UBTD1: variants seen among roughly 807,000 people sequenced by gnomAD.
The protein encoded by UBTD1 is ubiquitin domain-containing protein 1.
UBTD1 carries 19 observed loss-of-function variants against 21.7 expected under a neutral mutation model. The observed-to-expected ratio is 0.87, with a 90% CI of 0.61 to 1.28. The LOEUF is 1.28. Ranked by LOEUF, UBTD1 falls within the 50% of genes most tolerant of loss-of-function variation. The probability of loss-of-function intolerance (pLI) is 0.00; values close to 1 mark genes in which losing one functional copy is unlikely to be tolerated. For synonymous variants in UBTD1, 116 were observed against 135.1 expected, an observed-to-expected ratio of 0.86 and a Z score of 0.98; for missense variants, 282 against 315.1, an observed-to-expected ratio of 0.89 and a Z score of 0.80.
chr10:97,550,567 C>G (rs1450493741), intron 1 of UBTD1, among the ~76,000 whole-genome samples: 1 of 152,188 alleles, frequency 6.6e-6, no homozygotes, highest in Non-Finnish European at 1.5e-5. Context: ...TCGGTCAGTT[C>G]CTTTCTCAAT....
chr10:97,530,553 A>T (rs561415613), intron 1 of UBTD1, among the ~76,000 whole-genome samples: 75 of 152,316 alleles, frequency 4.9e-4, no homozygotes, highest in African/African-American at 1.7e-3. Flanking sequence ...TGTTATATTT[A>T]TTCTATATTT....
rs145764729 is a variant in UBTD1, at chr10:97,510,353, A to G, written c.70+11080A>G. On this transcript the variant is annotated intron_variant, in intron 1 of 2. Transcript: ENST00000370664. Reference sequence around the variant, plus strand: ...CCTTTGGTGACAGGTCATTATGACAAATGTTTTATTCATTTAGTACAAATT... The same window carrying G: ...CCTTTGGTGACAGGTCATTATGACAGATGTTTTATTCATTTAGTACAAATT... 2.0e-5 allele frequency among the ~76,000 whole-genome samples: 3 copies of G among 152,232 alleles called. No individual in the cohort carries two copies. The South Asian group carries it at 6.2e-4, about 32-fold the overall frequency.
chr10:97,561,200 G>C (rs2040691096), intron 1 of UBTD1, among the ~76,000 whole-genome samples: 1 of 152,146 alleles, frequency 6.6e-6, no homozygotes. Context: ...AGCGCTCTTT[G>C]GATTGCATCA....
At chr10:97,529,586 A>AC (rs1161579288) in intron 1 of UBTD1, among the ~76,000 whole-genome samples, 4 of 102,230 alleles carry the variant, frequency 3.9e-5, no homozygotes, top group Non-Finnish European at 8.5e-5. Flanking sequence ...TCACAGCGAA[A>AC]CCCCGTCTCC....
At chr10:97,566,285 T>TA (rs1564745617) in intron 1 of UBTD1, among the ~76,000 whole-genome samples, 6 of 146,942 alleles carry the variant, frequency 4.1e-5, no homozygotes, top group Non-Finnish European at 7.4e-5. Flanking sequence ...TTTTTTTTTT[T>TA]TAAAACTATT....
rs139940646 is a variant in UBTD1, at chr10:97,563,217, G to A, written c.71-4697G>A. On this transcript the variant is annotated intron_variant, in intron 1 of 2. Transcript: ENST00000370664. ...GGAGAACCCAGGACATCCAATTAGAGAGTGTCCAAGGGGGTTCAGCGTAAT... is the reference window on the plus strand; with the variant it reads ...GGAGAACCCAGGACATCCAATTAGAAAGTGTCCAAGGGGGTTCAGCGTAAT... 3.4e-3 allele frequency among the ~76,000 whole-genome samples: 517 copies of A among 152,326 alleles called. 3 individuals carry two copies. The highest frequency in any genetic ancestry group is 0.013 in the South Asian group (64 of 4,832).
In UBTD1 at chr10:97,515,321, C is replaced by T. The variant is rs116911817; in HGVS notation, c.70+16048C>T. Among the ~76,000 whole-genome samples, 490 of 152,312 alleles carry T rather than the reference C, an allele frequency of 3.2e-3. 8 individuals carry two copies. In the South Asian group the frequency reaches 0.035, roughly 11 times the overall value. On this transcript the variant is annotated intron_variant, in intron 1 of 2. Coordinates refer to ENST00000370664, the MANE Select transcript of UBTD1 (RefSeq NM_024954.5). Reference sequence around the variant, plus strand: ...CACATTTTATAGAGAGAGTATTTGTCGAGCACAGTGGTGCCTTTGGCAGAT... The same window carrying T: ...CACATTTTATAGAGAGAGTATTTGTTGAGCACAGTGGTGCCTTTGGCAGAT...
intron 1 of UBTD1, among the ~76,000 whole-genome samples, chr10:97,555,382 T>G (rs1035822405): frequency 2.0e-5 from 3 of 152,160 alleles, no homozygotes; most frequent in African/African-American, 7.2e-5. Flanking sequence ...CCCTCATATT[T>G]AAGCCTTTGA....
intron 1 of UBTD1, among the ~76,000 whole-genome samples, chr10:97,508,965 T>C (rs983504357): frequency 5.9e-5 from 9 of 152,190 alleles, no homozygotes; most frequent in African/African-American, 2.2e-4. Flanking sequence ...GAAGAAAAGA[T>C]TGTCCTTGCT....
At chr10:97,556,121 G>A (rs1328627343) in intron 1 of UBTD1, among the ~76,000 whole-genome samples, 2 of 152,168 alleles carry the variant, frequency 1.3e-5, no homozygotes, top group Non-Finnish European at 2.9e-5. Context: ...ACAGGTATCA[G>A]ACAAGGGAGC....
chr10:97,501,636 T>C (rs1379930512), intron 1 of UBTD1, among the ~76,000 whole-genome samples: 1 of 152,192 alleles, frequency 6.6e-6, no homozygotes, highest in Non-Finnish European at 1.5e-5. Context: ...AAAACACCTT[T>C]CTGCATTTTC....
chr10:97,521,389 G>A (rs1008674459), intron 1 of UBTD1, among the ~76,000 whole-genome samples: 11 of 152,200 alleles, frequency 7.2e-5, no homozygotes. Context: ...CCCCCTGAGG[G>A]AGATCTCCTT....
At chr10:97,519,895 T>C (rs1202660566) in intron 1 of UBTD1, among the ~76,000 whole-genome samples, 1 of 152,132 alleles carries the variant, frequency 6.6e-6, no homozygotes, top group Admixed American at 6.5e-5. Context: ...AGGTGTTTAC[T>C]GGAGGTCTCT....
At chr10:97,564,113 A>C in intron 1 of UBTD1, among the ~76,000 whole-genome samples, 1 of 152,134 alleles carries the variant, frequency 6.6e-6, no homozygotes, top group Non-Finnish European at 1.5e-5. Context: ...GAGGGGTCAG[A>C]TTCTTAACAA....
intron 1 of UBTD1, among the ~76,000 whole-genome samples, chr10:97,560,289 A>G (rs949938398): frequency 6.6e-6 from 1 of 152,210 alleles, no homozygotes; most frequent in Non-Finnish European, 1.5e-5. Flanking sequence ...GTCTAAGGCC[A>G]CAAGATTAGA....
chr10:97,537,852 G>GTC (rs1454467572), intron 1 of UBTD1, among the ~76,000 whole-genome samples: 3 of 145,894 alleles, frequency 2.1e-5, no homozygotes, highest in Non-Finnish European at 4.5e-5. Context: ...TTGAGACAGG[G>GTC]TCTCTCTCTG....
intron 1 of UBTD1, among the ~76,000 whole-genome samples, chr10:97,564,073 A>AG (rs1221310095): frequency 6.6e-6 from 1 of 152,120 alleles, no homozygotes; most frequent in Non-Finnish European, 1.5e-5. Context: ...ATGACTAAGT[A>AG]GGGTCCGGTC....
chr10:97,544,725 T>C (rs2040600944), intron 1 of UBTD1, among the ~76,000 whole-genome samples: 1 of 152,208 alleles, frequency 6.6e-6, no homozygotes, highest in South Asian at 2.1e-4. Context: ...GGGCAGTGGC[T>C]CATGCGTGTA....
chr10:97,532,368 G>A (rs1196264119), intron 1 of UBTD1, among the ~76,000 whole-genome samples: 1 of 152,240 alleles, frequency 6.6e-6, no homozygotes, highest in Non-Finnish European at 1.5e-5. Flanking sequence ...CTGTTGAGCT[G>A]GGCGCAGTGG....
Sources: allele counts gnomAD v4.1 joint callset (sites outside exome capture counted in the v4.1 genomes callset), GRCh38; gene constraint gnomAD v4.1.1; transcripts MANE v1.5; gene names NCBI Gene and HGNC (gene_info 2026-07-23, HGNC 2026-07-21).